Variants in WLS observed in about 807,000 individuals in gnomAD.
WLS encodes Wnt ligand secretion mediator, also known as protein wntless homolog.
In WLS, 23 loss-of-function variants were observed where a neutral mutation model predicts 62.8. The observed-to-expected ratio is 0.37, with a 90% CI of 0.26 to 0.52. WLS has a LOEUF of 0.52. WLS is among the 20% of genes least tolerant of loss of function. WLS has a pLI of 0.92. For missense variants in WLS, 615 were observed against 697.3 expected, an observed-to-expected ratio of 0.88 and a Z score of 1.33; for synonymous variants, 246 against 244.1, an observed-to-expected ratio of 1.01 and a Z score of -0.07.
chr1:68,126,415 C>CTAGCATCTCA, intron 11 of WLS, 80 bp from the exon 12 acceptor site: 1 of 1,559,152 alleles, frequency 6.4e-7, no homozygotes, highest in Non-Finnish European at 8.7e-7. Context: ...GACAACTGCC[C>CTAGCATCTCA]TGATGCTAGC....
intron 1 of WLS, among the ~76,000 whole-genome samples, chr1:68,211,339 T>TA (rs1269116756): frequency 1.4e-5 from 2 of 148,056 alleles, no homozygotes; most frequent in South Asian, 2.1e-4. Context: ...AAAGAGGTGC[T>TA]AAAAAAATGA....
chr1:68,231,975 A>T, intron 1 of WLS: 1 of 440,364 alleles, frequency 2.3e-6, no homozygotes, highest in Non-Finnish European at 4.1e-6. Context: ...GTGGATACTG[A>T]AACTAGGCCA....
At chr1:68,099,235 A>G (rs921631920) in intron 11 of WLS, among the ~76,000 whole-genome samples, 1 of 152,128 alleles carries the variant, frequency 6.6e-6, no homozygotes, top group Non-Finnish European at 1.5e-5. Flanking sequence ...TCATCTTCCA[A>G]AAAGGATGTT....
rs752318190 is a variant in WLS at position 68,158,997 on chromosome 1, G to T, written c.504+126C>A. On this transcript the variant is annotated intron_variant, in intron 3 of 11. Coordinates refer to ENST00000262348, the MANE Select transcript of WLS (RefSeq NM_024911.7). ...GAGAGAAGAGGAAATAAAATGCTCC[G>T]CAGAGCAGGTATTACCAAAGCTGTC... The T allele has an allele frequency of 1.6e-5, 20 of 1,253,134 alleles. No individual in the cohort carries two copies. The South Asian group carries it at 1.9e-4, about 12-fold the overall frequency. 77.6% of individuals were successfully genotyped at this position (1,253,134 alleles called of 1,614,324 possible). A position where few individuals can be genotyped will look rare whatever the true frequency, so the allele number is the denominator to read the frequency against.
chr1:68,215,530 A>G (rs1313769510), intron 1 of WLS, among the ~76,000 whole-genome samples: 1 of 152,210 alleles, frequency 6.6e-6, no homozygotes, highest in Non-Finnish European at 1.5e-5. Flanking sequence ...CTGACCATCA[A>G]AATCCTTAAA....
chr1:68,106,035 T>C (rs971807414), intron 11 of WLS, among the ~76,000 whole-genome samples: 6 of 152,022 alleles, frequency 3.9e-5, no homozygotes, highest in African/African-American at 1.4e-4. Flanking sequence ...GCAATCAAAG[T>C]GTTAATATGA....
chr1:68,162,290 C>G, intron 2 of WLS: 1 of 1,607,612 alleles, frequency 6.2e-7, no homozygotes, highest in Non-Finnish European at 8.5e-7. Flanking sequence ...GGTGCGTTCA[C>G]AAGGAATGCT....
chr1:68,127,357 G>A (rs1273215780), intron 11 of WLS, among the ~76,000 whole-genome samples: 1 of 152,216 alleles, frequency 6.6e-6, no homozygotes, highest in Non-Finnish European at 1.5e-5. Flanking sequence ...AACGTGCTGT[G>A]CATTTCCTTC....
At chr1:68,159,513 G>C (rs1646943918) in intron 2 of WLS, among the ~76,000 whole-genome samples, 1 of 152,130 alleles carries the variant, frequency 6.6e-6, no homozygotes, top group Non-Finnish European at 1.5e-5. Flanking sequence ...CTCTCTGAGG[G>C]AGCACAAATG....
chr1:68,152,743 G>C (rs954755043), intron 5 of WLS, among the ~76,000 whole-genome samples: 21 of 152,148 alleles, frequency 1.4e-4, no homozygotes, highest in African/African-American at 5.1e-4. Context: ...TGGCTTCAGG[G>C]GGAAGTGGGA....
chr1:68,186,720 A>C (rs1647967014), intron 2 of WLS: 2 of 454,118 alleles, frequency 4.4e-6, no homozygotes, highest in South Asian at 3.1e-5. Flanking sequence ...TCTTAATACC[A>C]AAATCAGAGA....
chr1:68,155,973 A>G (rs1334331314), intron 3 of WLS, among the ~76,000 whole-genome samples: 1 of 152,206 alleles, frequency 6.6e-6, no homozygotes, highest in Admixed American at 6.5e-5. Context: ...AATTTAGCCC[A>G]GTGTCTAGGA....
At position 68,146,009 on chromosome 1, in the gene WLS, C is replaced by T; in HGVS notation, c.1138G>A (p.Ala380Thr). 1 of 1,613,996 alleles carries T rather than the reference C, an allele frequency of 6.2e-7. No homozygotes were observed. The highest frequency in any genetic ancestry group is 8.5e-7 in the Non-Finnish European group (1 of 1,179,942). ...TTDIGTELAM[A>T]FIIVAGICLC... ...CAGATTCCAGCCACGATGATGAAGG[C>T]CATCTGGTCGTGTCCAGTAAAGGAA... Residue 380 changes from alanine to threonine, a missense_variant, in exon 9 of 12, where the codon GCC (alanine) becomes ACC (threonine). Ala to Thr is a moderately conservative substitution (Grantham distance 58, BLOSUM62 0). Transcript: ENST00000262348.
chr1:68,232,165 G>A (rs1650458428), intron 1 of WLS, 29 bp downstream of exon 1: 1 of 1,613,500 alleles, frequency 6.2e-7, no homozygotes, highest in Non-Finnish European at 8.5e-7. Flanking sequence ...GACAGAAAGG[G>A]GGAAAAGTTT....
At chr1:68,172,467 TA>T (rs11329924) in intron 2 of WLS, among the ~76,000 whole-genome samples, 29,896 of 151,724 alleles carry the variant, frequency 0.2, 3,055 homozygotes, top group South Asian at 0.26. Context: ...ACTTCTTCTA[TA>T]AAAAAAAGAG....
chr1:68,211,141 C>T lies in WLS; in HGVS notation c.107-16914G>A, dbSNP rs1473608468. On this transcript the variant is annotated intron_variant, in intron 1 of 11. Coordinates refer to ENST00000262348, the MANE Select transcript of WLS (RefSeq NM_024911.7). ...GTTTCATTGCTCTTTATTTGCTGTA[C>T]ACCAACAATTCATTAAAAACATCTC... is the stretch of plus-strand genomic sequence containing the variant. Among the ~76,000 whole-genome samples the T allele has an allele frequency of 3.9e-5, 6 of 152,120 alleles. No individual in the cohort carries two copies. The South Asian group carries it at 1.0e-3, about 26-fold the overall frequency.
chr1:68,135,454 C>A (rs577963540), intron 11 of WLS, among the ~76,000 whole-genome samples: 2 of 151,894 alleles, frequency 1.3e-5, no homozygotes, highest in African/African-American at 4.8e-5. Context: ...CCAGGCTAAC[C>A]ACAGAAATTC....
intron 11 of WLS, among the ~76,000 whole-genome samples, chr1:68,106,698 G>A (rs981099050): frequency 4.6e-5 from 7 of 150,990 alleles, no homozygotes; most frequent in South Asian, 2.1e-4. Flanking sequence ...CTGGAAACGC[G>A]TGTGCATGTG....
intron 2 of WLS, among the ~76,000 whole-genome samples, chr1:68,165,577 G>A (rs1308392319): frequency 6.6e-6 from 1 of 152,146 alleles, no homozygotes; most frequent in Non-Finnish European, 1.5e-5. Context: ...GGAGTGAAAA[G>A]GCTGCTATTT....
Sources: allele counts gnomAD v4.1 joint callset (sites outside exome capture counted in the v4.1 genomes callset), GRCh38; gene constraint gnomAD v4.1.1; transcripts MANE v1.5; gene names NCBI Gene and HGNC (gene_info 2026-07-23, HGNC 2026-07-21).